PDK3: variants seen among roughly 807,000 people sequenced by gnomAD.
PDK3 encodes the protein pyruvate dehydrogenase kinase, isozyme 3.
In PDK3, 12 loss-of-function variants were observed where a neutral mutation model predicts 32.0. The ratio of observed to expected loss-of-function variants is 0.37; its 90% CI spans 0.24 to 0.61. The LOEUF (loss-of-function observed/expected upper bound fraction) is 0.61, where lower values mean the gene tolerates loss of function less well. PDK3 is among the 20% of genes least tolerant of loss of function. The pLI, the probability that PDK3 is intolerant of heterozygous loss-of-function variation, is 0.65. For synonymous variants in PDK3, 122 were observed against 116.3 expected (o/e 1.05, Z -0.31); for missense variants, 188 against 316.9 (o/e 0.59, Z 3.09).
chrX:24,488,951 G>C (rs1440855962), intron 1 of PDK3, among the ~76,000 whole-genome samples: 1 of 111,699 alleles, frequency 9.0e-6, no homozygotes, highest in Non-Finnish European at 1.9e-5. Context: ...TCAAAATTAA[G>C]GAATGTAGAG....
intron 6 of PDK3, 98 bp from the exon 7 acceptor site, chrX:24,526,100 C>G (rs1275254500): frequency 1.3e-5 from 8 of 607,898 alleles, no homozygotes; most frequent in Admixed American, 1.2e-4. Context: ...TTTTATAGAG[C>G]TCTGTTTTAC....
chrX:24,526,169 T>C, intron 6 of PDK3, 29 bp from the exon 7 acceptor site: 1 of 1,121,599 alleles, frequency 8.9e-7, no homozygotes, highest in Non-Finnish European at 1.2e-6. Flanking sequence ...TGGGTCCTTA[T>C]TGATTGATGG....
intron 1 of PDK3, among the ~76,000 whole-genome samples, chrX:24,489,684 C>CAAAAAAAAAAA: frequency 2.1e-5 from 1 of 46,718 alleles, no homozygotes; most frequent in Non-Finnish European, 3.8e-5. Flanking sequence ...GACTCTGTCT[C>CAAAAAAAAAAA]AAAAAAAAAA....
At chrX:24,546,953 A>T (rs1923009763) in exon 12 of PDK3, 1 of 112,688 alleles carries the variant, frequency 8.9e-6, no homozygotes, top group African/African-American at 3.2e-5. Flanking sequence ...TAATATCCTT[A>T]CAGTGTTTTA....
intron 9 of PDK3, among the ~76,000 whole-genome samples, chrX:24,529,822 A>G (rs746196359): frequency 2.7e-5 from 3 of 111,740 alleles, no homozygotes; most frequent in Non-Finnish European, 3.8e-5. Flanking sequence ...GCACATGGAT[A>G]TGTACTACTA....
In PDK3 at chrX:24,475,827, G is replaced by T. The variant is rs928498937; in HGVS notation, c.106+10266G>T. On this transcript the variant is annotated intron_variant, in intron 1 of 10. Coordinates refer to ENST00000379162, the MANE Select transcript of PDK3 (RefSeq NM_005391.5). ...GCGTGGTTTATCTGGCTCTGGGGCA[G>T]CTCTCAGGCACCAAAGTCATGGCTT... 1.2e-4 allele frequency among the ~76,000 whole-genome samples: 13 copies of T among 111,471 alleles called. 1 individual carries two copies. In the East Asian group the frequency reaches 1.7e-3, roughly 14 times the overall value.
rs1299334323 is a variant in PDK3 at position 24,491,013 on chromosome X, GA to G, written c.107-3718del. On this transcript the variant is annotated intron_variant, in intron 1 of 10. Coordinates refer to ENST00000379162, the MANE Select transcript of PDK3 (RefSeq NM_005391.5). ...CCAGAACTTCCTTTTTCCTCTTAAA[GA>G]AAAAAAAAAACTGGCTAGACATGGT... Among the ~76,000 whole-genome samples, 420 of 104,065 alleles carry G rather than the reference GA, an allele frequency of 4.0e-3. 2 individuals carry two copies. Among genetic ancestry groups the G allele is most frequent in the African/African-American group, 0.013 (385 of 28,852 alleles). 90.4% of individuals were successfully genotyped at this position (104,065 alleles called of 115,157 possible). A position where few individuals can be genotyped will look rare whatever the true frequency, so the allele number is the denominator to read the frequency against.
At chrX:24,535,012 A>G (rs1922740754), downstream of PDK3, among the ~76,000 whole-genome samples, 1 of 112,192 alleles carries the variant, frequency 8.9e-6, no homozygotes, top group African/African-American at 3.2e-5. Flanking sequence ...ACAATAAAAA[A>G]TGTTAACATT....
At chrX:24,500,423 T>C (rs981963569) in intron 3 of PDK3, among the ~76,000 whole-genome samples, 21 of 111,801 alleles carry the variant, frequency 1.9e-4, no homozygotes, top group African/African-American at 6.5e-4. Flanking sequence ...CTGCGGATAC[T>C]GAGAGACGAC....
chrX:24,512,584 G>A (rs1436979128), intron 5 of PDK3, among the ~76,000 whole-genome samples: 1 of 111,406 alleles, frequency 9.0e-6, no homozygotes, highest in Admixed American at 9.5e-5. Flanking sequence ...CCAACATGGT[G>A]AAACCCCATC....
intron 1 of PDK3, among the ~76,000 whole-genome samples, chrX:24,490,438 A>G (rs896193150): frequency 1.2e-4 from 6 of 50,998 alleles, no homozygotes; most frequent in Non-Finnish European, 2.3e-4. Context: ...GACCTTTGTC[A>G]TCGAACTTCA....
intron 2 of PDK3, among the ~76,000 whole-genome samples, chrX:24,495,781 C>T (rs1455750886): frequency 8.9e-6 from 1 of 112,114 alleles, no homozygotes; most frequent in African/African-American, 3.2e-5. Context: ...CTGAAAGTTG[C>T]AGTCCTCGAA....
In PDK3 at chrX:24,505,139, A is replaced by G. The variant is rs138170600; in HGVS notation, c.506-70A>G. ...ATATCCTTTCTAAACATAAGCCCCT[A>G]TATTTCCCTGTGTGACCATCCCAGC... is the stretch of plus-strand genomic sequence containing the variant. On this transcript the variant is annotated intron_variant, in intron 4 of 10. Coordinates refer to ENST00000379162, the MANE Select transcript of PDK3 (RefSeq NM_005391.5). 1.4e-3 allele frequency: 1,006 copies of G among 723,028 alleles called. 2 individuals carry two copies. The African/African-American group carries it at 0.017, about 12-fold the overall frequency. The allele number at this position is 723,028 out of a possible 1,213,427, so 59.6% of individuals were successfully genotyped here. A position where few individuals can be genotyped will look rare whatever the true frequency, so the allele number is the denominator to read the frequency against.
intron 1 of PDK3, among the ~76,000 whole-genome samples, chrX:24,468,502 A>G (rs1403993776): frequency 8.9e-6 from 1 of 112,120 alleles, no homozygotes; most frequent in African/African-American, 3.2e-5. Context: ...AGTGGTTTTC[A>G]GGCCAGGGCC....
intron 5 of PDK3, among the ~76,000 whole-genome samples, chrX:24,516,608 G>A (rs752728746): frequency 4.5e-5 from 5 of 111,726 alleles, no homozygotes; most frequent in East Asian, 2.8e-4. Context: ...ATATTATTCC[G>A]TTTATGTAAA....
chrX:24,503,411 G>A lies in PDK3; in HGVS notation c.405G>A (p.Glu135=), dbSNP rs1921910053. Residue 135 remains glutamate, a synonymous_variant, in exon 4 of 11, where the codon GAG becomes GAA. Coordinates refer to ENST00000379162, the MANE Select transcript of PDK3 (RefSeq NM_005391.5). The part of the protein sequence containing the change: ...TMAQGVIEYK[E]KFGFDPFIST... ...CACAAGGAGTGATTGAATACAAGGA[G>A]AAGTTTGGGTTTGATCCTTTCATTA... The A allele has an allele frequency of 8.3e-7, 1 of 1,203,001 alleles. No homozygotes were observed. Among genetic ancestry groups the A allele is most frequent in the Non-Finnish European group, 1.1e-6 (1 of 887,686 alleles).
intron 9 of PDK3, among the ~76,000 whole-genome samples, chrX:24,529,634 T>G (rs1393855190): frequency 1.8e-5 from 2 of 110,259 alleles, no homozygotes; most frequent in Non-Finnish European, 3.8e-5. Context: ...TGGCGCATGC[T>G]TGTAATCCCA....
At chrX:24,478,669 A>G (rs757376782) in intron 1 of PDK3, among the ~76,000 whole-genome samples, 1 of 112,317 alleles carries the variant, frequency 8.9e-6, no homozygotes, top group Admixed American at 9.4e-5. Flanking sequence ...ACCTTTTGCC[A>G]TAATGAATGG....
exon 12 of PDK3, chrX:24,549,579 C>T (rs765641339): frequency 3.6e-5 from 4 of 110,428 alleles, no homozygotes; most frequent in South Asian, 3.8e-4. Flanking sequence ...GCTTAGTTCT[C>T]GTGTAGAACT....
Sources: allele counts gnomAD v4.1 joint callset (sites outside exome capture counted in the v4.1 genomes callset), GRCh38; gene constraint gnomAD v4.1.1; transcripts MANE v1.5; gene names NCBI Gene and HGNC (gene_info 2026-07-23, HGNC 2026-07-21).